PTPN3: variants seen among roughly 807,000 people sequenced by gnomAD.
PTPN3 encodes protein tyrosine phosphatase non-receptor type 3.
Under a neutral mutation model 132.7 loss-of-function variants are expected in PTPN3, and 96 were observed. The ratio of observed to expected loss-of-function variants is 0.72; its 90% confidence interval spans 0.61 to 0.86. The LOEUF is 0.86. PTPN3 is among the 40% of genes least tolerant of loss of function. PTPN3 has a pLI of 0.00. For synonymous variants in PTPN3, 398 were observed against 429.0 expected, an observed-to-expected ratio of 0.93 and a Z score of 0.89; for missense variants, 1,125 against 1,159.6, an observed-to-expected ratio of 0.97 and a Z score of 0.43.
the PTPN3 span, chr9:109,533,742 A>G: frequency 5.5e-6 from 8 of 1,443,488 alleles, no homozygotes; most frequent in Non-Finnish European, 7.5e-6. Flanking sequence ...CTCCGCATGT[A>G]GGAAGGTGGG....
intron 1 of PTPN3, among the ~76,000 whole-genome samples, chr9:109,475,933 A>G (rs1172235070): frequency 1.3e-5 from 2 of 152,152 alleles, no homozygotes; most frequent in African/African-American, 2.4e-5. Context: ...CCATAATTTT[A>G]TCTCAAGGAA....
chr9:109,490,787 T>C lies in PTPN3; in HGVS notation c.-18+7432A>G, dbSNP rs541126183. 4.0e-4 allele frequency among the ~76,000 whole-genome samples: 60 copies of C among 151,092 alleles called. 1 individual carries two copies. Among genetic ancestry groups the C allele is most frequent in the African/African-American group, 1.4e-3 (56 of 41,198 alleles). ...CAAGGTCCTGAAGGACCAAGAACAA[T>C]TGGGGAACTGTCTTAGTTTAAAGGA... is the stretch of plus-strand genomic sequence containing the variant. On this transcript the variant is annotated intron_variant, in intron 1 of 25. Coordinates refer to ENST00000374541, the MANE Select transcript of PTPN3 (RefSeq NM_002829.4).
chr9:109,391,631 A>C, intron 19 of PTPN3, 70 bp from the exon 20 acceptor site: 1 of 1,273,498 alleles, frequency 7.9e-7, no homozygotes, highest in South Asian at 1.3e-5. Context: ...AACATACTTT[A>C]TCATTCACAG....
intron 19 of PTPN3, 125 bp from the exon 20 acceptor site, chr9:109,391,686 A>C (rs1588305141): frequency 1.5e-6 from 1 of 674,320 alleles, no homozygotes; most frequent in East Asian, 2.9e-5. Context: ...TTATATACTA[A>C]AAGAAAATCT....
intron 5 of PTPN3, chr9:109,450,669 T>G: frequency 2.0e-6 from 2 of 985,102 alleles, no homozygotes; most frequent in Non-Finnish European, 2.4e-6. Flanking sequence ...CTGCAAAGAA[T>G]GATCTAAATT....
intron 19 of PTPN3, among the ~76,000 whole-genome samples, chr9:109,403,804 C>T (rs1335694242): frequency 6.6e-6 from 1 of 152,152 alleles, no homozygotes; most frequent in Non-Finnish European, 1.5e-5. Context: ...TCCTTTGGTT[C>T]CCTTTTGTTT....
rs1001214441 is a variant in PTPN3 at position 109,376,367 on chromosome 9, C to T, written c.*3189G>A. The T allele has an allele frequency of 6.6e-6, 1 of 152,072 alleles. No homozygotes were observed. The highest frequency in any genetic ancestry group is 2.4e-5 in the African/African-American group (1 of 41,410). The allele number at this position is 152,072 out of a possible 1,614,324, so 9.4% of individuals were successfully genotyped here. A position where few individuals can be genotyped will look rare whatever the true frequency, so the allele number is the denominator to read the frequency against. On this transcript the variant is annotated 3_prime_UTR_variant, in exon 26 of 26. Transcript: ENST00000374541. Reference sequence around the variant, plus strand: ...CAAATGCTCATTTCTGAGGTACCCCCCCCAGAAAAAGGTCAGGTAGCAACA... The same window carrying T: ...CAAATGCTCATTTCTGAGGTACCCCTCCCAGAAAAAGGTCAGGTAGCAACA...
intron 12 of PTPN3, among the ~76,000 whole-genome samples, chr9:109,425,531 T>C (rs904390410): frequency 6.7e-6 from 1 of 148,584 alleles, no homozygotes; most frequent in Non-Finnish European, 1.5e-5. Flanking sequence ...CCCAATGTGG[T>C]GAAACCCTGT....
intron 1 of PTPN3, among the ~76,000 whole-genome samples, chr9:109,468,418 G>A (rs1846208719): frequency 1.3e-5 from 2 of 152,190 alleles, no homozygotes; most frequent in Non-Finnish European, 2.9e-5. Flanking sequence ...CCAGGCTGGA[G>A]TACAGTGGCG....
intron 22 of PTPN3, among the ~76,000 whole-genome samples, chr9:109,385,647 C>A (rs1041024240): frequency 2.0e-5 from 3 of 152,160 alleles, no homozygotes; most frequent in South Asian, 2.1e-4. Context: ...CAAGAAAATG[C>A]ACCTTCTTAG....
At chr9:109,397,683 C>A (rs570816495) in intron 19 of PTPN3, 2 of 152,294 alleles carry the variant, frequency 1.3e-5, no homozygotes, top group East Asian at 3.9e-4. Context: ...AATTTTGGGA[C>A]CTTCCATAGT....
the PTPN3 span, among the ~76,000 whole-genome samples, chr9:109,510,588 T>TAA: frequency 8.2e-6 from 1 of 122,422 alleles, no homozygotes; most frequent in Non-Finnish European, 1.7e-5. Flanking sequence ...TATATATATA[T>TAA]ATATATATAT....
At chr9:109,408,805 A>ATATATATATATATATATGGGCTT (rs1841814806) in intron 16 of PTPN3, among the ~76,000 whole-genome samples, 1 of 138,878 alleles carries the variant, frequency 7.2e-6, no homozygotes, top group Non-Finnish European at 1.6e-5. Context: ...AAATATATAT[A>ATATATATATATATATATGGGCTT]TATATATATA....
chr9:109,499,561 C>T (rs1847826225), upstream of PTPN3, among the ~76,000 whole-genome samples: 1 of 139,660 alleles, frequency 7.2e-6, no homozygotes, highest in Non-Finnish European at 1.6e-5. Flanking sequence ...GCAGTGACCC[C>T]CCTGCAACAC....
chr9:109,423,224 C>T (rs757552573), intron 12 of PTPN3, among the ~76,000 whole-genome samples: 7 of 152,114 alleles, frequency 4.6e-5, no homozygotes, highest in Admixed American at 1.3e-4. Flanking sequence ...ACCATTTTTT[C>T]AGGTGCTCTT....
chr9:109,496,783 G>A (rs905438047), intron 1 of PTPN3, among the ~76,000 whole-genome samples: 3 of 152,176 alleles, frequency 2.0e-5, no homozygotes, highest in African/African-American at 7.2e-5. Flanking sequence ...AACAACTGGG[G>A]AACAGGAATT....
chr9:109,391,448 A>G, intron 20 of PTPN3, 23 bp downstream of exon 20: 1 of 1,582,434 alleles, frequency 6.3e-7, no homozygotes, highest in Non-Finnish European at 8.7e-7. Flanking sequence ...GGGGGGAAGG[A>G]GGCATTCATG....
At chr9:109,520,426 G>T in the PTPN3 span, among the ~76,000 whole-genome samples, 1,505 of 152,300 alleles carry the variant, frequency 9.9e-3, 30 homozygotes, top group African/African-American at 0.034. Context: ...AAGGAAAAAA[G>T]AATAGTGCTT....
intron 10 of PTPN3, among the ~76,000 whole-genome samples, chr9:109,429,377 G>A (rs1434843276): frequency 6.6e-6 from 1 of 152,200 alleles, no homozygotes; most frequent in Non-Finnish European, 1.5e-5. Context: ...TCTCCACTAT[G>A]AAGTCTTCCC....
Sources: allele counts gnomAD v4.1 joint callset (sites outside exome capture counted in the v4.1 genomes callset), GRCh38; gene constraint gnomAD v4.1.1; transcripts MANE v1.5; gene names NCBI Gene and HGNC (gene_info 2026-07-23, HGNC 2026-07-21).